STK39: variants seen among roughly 807,000 people sequenced by gnomAD.
STK39 encodes serine/threonine kinase 39.
Under a neutral mutation model 77.8 loss-of-function variants are expected in STK39, and 20 were observed. The ratio of observed to expected loss-of-function variants is 0.26; its 90% CI spans 0.18 to 0.37. The LOEUF is 0.37. Among genes scored for constraint, STK39 ranks in the 10% least tolerant of loss-of-function variants. STK39 has a pLI of 1.00. For synonymous variants in STK39, 246 were observed against 234.1 expected, an observed-to-expected ratio of 1.05 and a Z score of -0.47; for missense variants, 479 against 656.5, an observed-to-expected ratio of 0.73 and a Z score of 2.95.
At chr2:168,030,226 C>T (rs1262154488) in intron 14 of STK39, among the ~76,000 whole-genome samples, 3 of 151,994 alleles carry the variant, frequency 2.0e-5, no homozygotes, top group South Asian at 2.1e-4. Context: ...TGTGACAGAG[C>T]GAGACTCTGT....
intron 12 of STK39, among the ~76,000 whole-genome samples, chr2:168,067,580 C>T (rs1158693837): frequency 6.6e-6 from 1 of 152,108 alleles, no homozygotes; most frequent in East Asian, 1.9e-4. Context: ...AACCCACTCT[C>T]AGGTGGCAAT....
chr2:168,242,708 C>T (rs929718288), intron 1 of STK39, among the ~76,000 whole-genome samples: 1 of 148,666 alleles, frequency 6.7e-6, no homozygotes, highest in African/African-American at 2.5e-5. Context: ...CATAGTGAGA[C>T]CCCCATTTCT....
chr2:168,039,228 G>A (rs1249002158), intron 14 of STK39, among the ~76,000 whole-genome samples: 1 of 152,104 alleles, frequency 6.6e-6, no homozygotes, highest in African/African-American at 2.4e-5. Context: ...CAAAATAGCT[G>A]AGTGAAAGAA....
At chr2:168,117,815 C>T (rs763228030) in intron 10 of STK39, among the ~76,000 whole-genome samples, 8 of 152,068 alleles carry the variant, frequency 5.3e-5, no homozygotes, top group Non-Finnish European at 8.8e-5. Context: ...CTGGAGTGAT[C>T]CCTTACCTCC....
rs1289274154 is a variant in STK39 at position 167,955,471 on chromosome 2, T to A, written c.*25A>T. ...AGGGGTGGCGGTGGGGCATGACAGA[T>A]CAGGGTGACATCAAGGGACATACAT... On this transcript the variant is annotated 3_prime_UTR_variant, in exon 18 of 18. Transcript: ENST00000355999. 2.5e-6 allele frequency: 4 copies of A among 1,612,000 alleles called. No individual in the cohort carries two copies. Among genetic ancestry groups the A allele is most frequent in the Middle Eastern group, 1.6e-4 (1 of 6,080 alleles).
Position 168,018,525 on chromosome 2 carries a change from AAAGAAAAGAAAGAAAAG to A in STK39, c.1377-1447_1377-1431del, listed in dbSNP as rs1310108615. ...AGAAAAGAAAGAAAAGAAAGAAAAG[AAAGAAAAGAAAGAAAAG>A]AAAGAAAGAAAGAAAGAAAGAAAGA... is the stretch of plus-strand genomic sequence containing the variant. On this transcript the variant is annotated intron_variant, in intron 14 of 17. Coordinates refer to ENST00000355999, the MANE Select transcript of STK39 (RefSeq NM_013233.3). Among the ~76,000 whole-genome samples, 85 of 96,412 alleles carry A rather than the reference AAAGAAAAGAAAGAAAAG, an allele frequency of 8.8e-4. 3 individuals are homozygous for A. Among genetic ancestry groups the A allele is most frequent in the African/African-American group, 5.0e-3 (77 of 15,492 alleles). 63.3% of individuals were successfully genotyped at this position (96,412 alleles called of 152,430 possible). A position where few individuals can be genotyped will look rare whatever the true frequency, so the allele number is the denominator to read the frequency against.
At chr2:168,220,067 C>T (rs927580554) in intron 1 of STK39, among the ~76,000 whole-genome samples, 4 of 152,030 alleles carry the variant, frequency 2.6e-5, no homozygotes, top group Non-Finnish European at 5.9e-5. Flanking sequence ...TGTTCTTTAA[C>T]AAATTTTAAT....
chr2:168,095,619 CTTTCTTTTTTTTT>C, intron 10 of STK39, among the ~76,000 whole-genome samples: 1 of 70,152 alleles, frequency 1.4e-5, no homozygotes, highest in South Asian at 5.4e-4. Context: ...TCGTGTATCT[CTTTCTTTTTTTTT>C]TTTTTTTTTT....
intron 10 of STK39, among the ~76,000 whole-genome samples, chr2:168,079,955 A>T (rs1686184204): frequency 6.6e-6 from 1 of 152,134 alleles, no homozygotes; most frequent in African/African-American, 2.4e-5. Flanking sequence ...TACAGCTGGG[A>T]GGTGACAATA....
intron 10 of STK39, among the ~76,000 whole-genome samples, chr2:168,085,560 A>C (rs1376455292): frequency 6.6e-6 from 1 of 152,254 alleles, no homozygotes; most frequent in Non-Finnish European, 1.5e-5. Flanking sequence ...TTTAGAGGAC[A>C]AGGTCATGAT....
At chr2:168,035,614 G>A (rs1684932423) in intron 14 of STK39, among the ~76,000 whole-genome samples, 1 of 152,074 alleles carries the variant, frequency 6.6e-6, no homozygotes, top group African/African-American at 2.4e-5. Flanking sequence ...TACATACAGG[G>A]CAAATACTTA....
chr2:167,977,951 G>C (rs926972548), intron 16 of STK39, among the ~76,000 whole-genome samples: 1 of 152,212 alleles, frequency 6.6e-6, no homozygotes, highest in Non-Finnish European at 1.5e-5. Flanking sequence ...AGGGGCTTGG[G>C]AAGTGGGGAG....
intron 12 of STK39, 51 bp from the exon 13 acceptor site, chr2:168,065,432 G>A (rs535238993): frequency 9.6e-6 from 15 of 1,563,316 alleles, no homozygotes; most frequent in South Asian, 6.7e-5. Context: ...AGGGAGACAC[G>A]GTGAGTGTGG....
intron 10 of STK39, among the ~76,000 whole-genome samples, chr2:168,124,011 G>A (rs926512264): frequency 6.6e-6 from 1 of 152,096 alleles, no homozygotes; most frequent in African/African-American, 2.4e-5. Context: ...AGGGCCTTGG[G>A]GCCTTGGCAT....
At chr2:168,017,271 ATTTC>A (rs1317177708) in intron 14 of STK39, among the ~76,000 whole-genome samples, 176 bp from the exon 15 acceptor site, 2 of 151,978 alleles carry the variant, frequency 1.3e-5, no homozygotes, top group African/African-American at 4.8e-5. Flanking sequence ...TAATGAAGAG[ATTTC>A]TTTAATTTGA....
intron 5 of STK39, among the ~76,000 whole-genome samples, chr2:168,157,233 C>G (rs1204239310): frequency 6.6e-6 from 1 of 152,146 alleles, no homozygotes; most frequent in African/African-American, 2.4e-5. Flanking sequence ...AGATGCTACC[C>G]AAAGTTCTAC....
At position 168,190,820 on chromosome 2, in the gene STK39, T is replaced by C. The variant is rs899461722; in HGVS notation, c.209-8730A>G. ...CCCTTGCAAACTCAAAGTCCAACGATCTGGCAATATTGAAAAACTTCCTGT... is the reference window on the plus strand; with the variant it reads ...CCCTTGCAAACTCAAAGTCCAACGACCTGGCAATATTGAAAAACTTCCTGT... On this transcript the variant is annotated intron_variant, in intron 1 of 17. Coordinates refer to ENST00000355999, the MANE Select transcript of STK39 (RefSeq NM_013233.3). Among the ~76,000 whole-genome samples, 83 of 152,256 alleles carry C rather than the reference T, an allele frequency of 5.5e-4. 1 individual carries two copies. The highest frequency in any genetic ancestry group is 1.7e-3 in the African/African-American group (72 of 41,556).
At chr2:168,216,644 A>C (rs1267213313) in intron 1 of STK39, among the ~76,000 whole-genome samples, 1 of 152,152 alleles carries the variant, frequency 6.6e-6, no homozygotes, top group Non-Finnish European at 1.5e-5. Flanking sequence ...GCTTGAGCAA[A>C]CCTGACAGAA....
chr2:168,147,544 C>A (rs1688171769), intron 5 of STK39, among the ~76,000 whole-genome samples: 1 of 152,008 alleles, frequency 6.6e-6, no homozygotes, highest in African/African-American at 2.4e-5. Context: ...TATTTTTGTA[C>A]TAGGATGTGT....
Sources: allele counts gnomAD v4.1 joint callset (sites outside exome capture counted in the v4.1 genomes callset), GRCh38; gene constraint gnomAD v4.1.1; transcripts MANE v1.5; gene names NCBI Gene and HGNC (gene_info 2026-07-23, HGNC 2026-07-21).